The following FBXL17 variants were observed in gnomAD, a reference collection of about 807,000 sequenced individuals.
FBXL17 encodes the protein F-box and leucine rich repeat protein 17, also known as F-box/LRR-repeat protein 17.
Under a neutral mutation model 66.2 loss-of-function variants are expected in FBXL17, and 22 were observed. That is an observed-to-expected ratio of 0.33 (90% CI 0.24 to 0.47). The LOEUF (loss-of-function observed/expected upper bound fraction) is 0.47. Ranked by LOEUF, FBXL17 falls within the 20% of genes least tolerant of loss-of-function variation. The probability of loss-of-function intolerance (pLI) is 1.00; values close to 1 mark genes in which losing one functional copy is unlikely to be tolerated. For synonymous variants in FBXL17, 474 were observed against 400.5 expected (o/e 1.18, Z -2.19); for missense variants, 878 against 948.2 (o/e 0.93, Z 0.97).
chr5:108,161,122 A>G (rs1752195296), intron 6 of FBXL17, among the ~76,000 whole-genome samples: 2 of 151,998 alleles, frequency 1.3e-5, no homozygotes, highest in Admixed American at 1.3e-4. Context: ...TCCCGGGAGA[A>G]AAAACTGTGG....
At chr5:107,953,238 T>G (rs951347934) in intron 7 of FBXL17, among the ~76,000 whole-genome samples, 13 of 151,644 alleles carry the variant, frequency 8.6e-5, no homozygotes, top group Non-Finnish European at 1.6e-4. Context: ...CCGTCTCTAC[T>G]AAAAATACAA....
chr5:108,303,361 A>AACACACAC (rs58495859), intron 4 of FBXL17, among the ~76,000 whole-genome samples: 18 of 141,870 alleles, frequency 1.3e-4, no homozygotes, highest in African/African-American at 3.3e-4. Context: ...CACAGGCATA[A>AACACACAC]ACACACACAC....
intron 7 of FBXL17, among the ~76,000 whole-genome samples, chr5:107,961,734 A>T (rs1259174745): frequency 6.6e-6 from 1 of 152,192 alleles, no homozygotes; most frequent in Non-Finnish European, 1.5e-5. Flanking sequence ...TTGTTAAAAG[A>T]TACCTGATTC....
In FBXL17 at chr5:108,009,274, T is replaced by TAGATAGATAGATAGATAG. The variant is rs1754072358; in HGVS notation, c.1822+11650_1822+11651insCTATCTATCTATCTATCT. On this transcript the variant is annotated intron_variant, in intron 7 of 8. Coordinates refer to ENST00000542267, the MANE Select transcript of FBXL17 (RefSeq NM_001163315.3). ...TTGTTCCCTGTTTTATATATATATA[T>TAGATAGATAGATAGATAG]ATATATATATATATATATATATATA... Among the ~76,000 whole-genome samples the TAGATAGATAGATAGATAG allele has an allele frequency of 2.0e-4, 9 of 45,826 alleles. 1 individual carries two copies. Among genetic ancestry groups the TAGATAGATAGATAGATAG allele is most frequent in the Non-Finnish European group, 3.2e-4 (9 of 28,202 alleles). 30.1% of individuals were successfully genotyped at this position (45,826 alleles called of 152,430 possible). A position where few individuals can be genotyped will look rare whatever the true frequency, so the allele number is the denominator to read the frequency against.
chr5:107,982,057 G>A (rs994009570), intron 7 of FBXL17, among the ~76,000 whole-genome samples: 1 of 152,112 alleles, frequency 6.6e-6, no homozygotes, highest in African/African-American at 2.4e-5. Context: ...ACCTAACTAT[G>A]AATATAATGA....
At chr5:108,102,163 T>A (rs1749626869) in intron 6 of FBXL17, among the ~76,000 whole-genome samples, 1 of 152,034 alleles carries the variant, frequency 6.6e-6, no homozygotes, top group Non-Finnish European at 1.5e-5. Context: ...AAGAGAGAGA[T>A]TCATGGAGTC....
At chr5:108,187,932 T>C (rs1753305630) in intron 5 of FBXL17, among the ~76,000 whole-genome samples, 1 of 152,252 alleles carries the variant, frequency 6.6e-6, no homozygotes, top group African/African-American at 2.4e-5. Context: ...CCAATGAAAA[T>C]GTTCTATATT....
At chr5:108,086,685 A>G (rs1748983722) in intron 6 of FBXL17, among the ~76,000 whole-genome samples, 1 of 152,074 alleles carries the variant, frequency 6.6e-6, no homozygotes, top group Admixed American at 6.5e-5. Context: ...CAGCCTTCCA[A>G]GAAGCTGTGA....
At chr5:108,030,916 G>GA (rs199802861) in intron 6 of FBXL17, among the ~76,000 whole-genome samples, 1 of 152,064 alleles carries the variant, frequency 6.6e-6, no homozygotes, top group African/African-American at 2.4e-5. Flanking sequence ...GAATTTTATA[G>GA]AAAAAAATAA....
At chr5:107,978,348 G>T (rs752083915) in intron 7 of FBXL17, among the ~76,000 whole-genome samples, 2 of 152,142 alleles carry the variant, frequency 1.3e-5, no homozygotes, top group Admixed American at 6.5e-5. Context: ...CTTGTTTGGG[G>T]GCTGAAACTG....
intron 6 of FBXL17, among the ~76,000 whole-genome samples, chr5:108,167,376 T>C (rs1405115071): frequency 2.0e-5 from 3 of 152,200 alleles, no homozygotes; most frequent in East Asian, 1.9e-4. Context: ...CAAGGTGCTT[T>C]TGAAACATGA....
intron 6 of FBXL17, among the ~76,000 whole-genome samples, chr5:108,026,942 G>A (rs1754847735): frequency 6.6e-6 from 1 of 152,142 alleles, no homozygotes; most frequent in South Asian, 2.1e-4. Context: ...AACAGAGGGT[G>A]TCCTTTAAGG....
At chr5:107,912,797 A>C (rs1487215333) in intron 7 of FBXL17, among the ~76,000 whole-genome samples, 1 of 152,296 alleles carries the variant, frequency 6.6e-6, no homozygotes, top group Admixed American at 6.5e-5. Flanking sequence ...ATATATTATC[A>C]GTGCAATTAC....
At chr5:108,008,453 G>T (rs1754021511) in intron 7 of FBXL17, among the ~76,000 whole-genome samples, 1 of 152,070 alleles carries the variant, frequency 6.6e-6, no homozygotes, top group South Asian at 2.1e-4. Flanking sequence ...CATAAAATAG[G>T]ACTGATTAAA....
intron 6 of FBXL17, among the ~76,000 whole-genome samples, chr5:108,158,735 A>G (rs1300737684): frequency 6.6e-6 from 1 of 152,184 alleles, no homozygotes; most frequent in East Asian, 1.9e-4. Context: ...GATAATAGTC[A>G]CTGATTATGC....
At chr5:108,297,124 A>T (rs933067576) in intron 4 of FBXL17, among the ~76,000 whole-genome samples, 5 of 151,592 alleles carry the variant, frequency 3.3e-5, no homozygotes, top group African/African-American at 1.2e-4. Flanking sequence ...ATATTTAATA[A>T]CTCCATAAAT....
At position 108,260,338 on chromosome 5, in the gene FBXL17, AT is replaced by A. The variant is rs368577977; in HGVS notation, c.1507-36111del. On this transcript the variant is annotated intron_variant, in intron 4 of 8. Transcript: ENST00000542267. The stretch of plus-strand genomic sequence containing the variant: ...GGTGGTTCCTATAGTTCTCTGCCAA[AT>A]AACAATGACCAGAGGCTGGTCATCC... 1.6e-3 allele frequency among the ~76,000 whole-genome samples: 246 copies of A among 152,252 alleles called. 1 individual carries two copies. Among genetic ancestry groups the A allele is most frequent in the African/African-American group, 5.8e-3 (239 of 41,534 alleles).
rs369612828 is a variant in FBXL17, at chr5:108,151,129, T to C, written c.1745+34988A>G. ...AGTACTCAGTATAAAGAGTCTCTTT[T>C]TTTCCCTAAATCTTTAGAACTTTAT... is the stretch of plus-strand genomic sequence containing the variant. On this transcript the variant is annotated intron_variant, in intron 6 of 8. Coordinates refer to ENST00000542267, the MANE Select transcript of FBXL17 (RefSeq NM_001163315.3). Among the ~76,000 whole-genome samples the C allele has an allele frequency of 3.5e-4, 54 of 152,256 alleles. No individual in the cohort carries two copies. The South Asian group carries it at 0.01, about 29-fold the overall frequency.
intron 7 of FBXL17, among the ~76,000 whole-genome samples, chr5:107,899,583 G>C (rs1256446177): frequency 1.3e-5 from 2 of 152,178 alleles, no homozygotes; most frequent in Non-Finnish European, 2.9e-5. Context: ...GCTGCAGTGA[G>C]TTATGATTGC....
Sources: gnomAD v4.1 joint callset for allele counts (sites outside exome capture counted in the v4.1 genomes callset) on GRCh38, gnomAD v4.1.1 for gene constraint, MANE v1.5 for transcripts, NCBI Gene and HGNC (gene_info 2026-07-23, HGNC 2026-07-21) for gene names.